Variants in PCCA observed in about 807,000 individuals in gnomAD.
PCCA encodes propionyl-CoA carboxylase subunit alpha, also known as propionyl-CoA carboxylase alpha chain, mitochondrial.
In PCCA, 74 loss-of-function variants were observed where a neutral mutation model predicts 101.3. The ratio of observed to expected loss-of-function variants is 0.73; its 90% CI spans 0.61 to 0.89. PCCA has a LOEUF of 0.89. PCCA is among the 40% of genes least tolerant of loss of function. The pLI, the probability that PCCA is intolerant of heterozygous loss-of-function variation, is 0.00. For synonymous variants in PCCA, 294 were observed against 313.6 expected, an observed-to-expected ratio of 0.94 and a Z score of 0.66; for missense variants, 891 against 907.0, an observed-to-expected ratio of 0.98 and a Z score of 0.23.
At chr13:100,253,854 AT>A (rs71114677) in intron 8 of PCCA, among the ~76,000 whole-genome samples, 32,790 of 138,288 alleles carry the variant, frequency 0.24, 3,836 homozygotes, top group Non-Finnish European at 0.27. Context: ...CTAGAGCCTG[AT>A]TTTTTTTTTT....
At chr13:100,428,901 G>C (rs1197440409) in intron 20 of PCCA, among the ~76,000 whole-genome samples, 1 of 152,136 alleles carries the variant, frequency 6.6e-6, no homozygotes, top group Non-Finnish European at 1.5e-5. Context: ...TTTATCCCTA[G>C]GTCAGTAGGG....
intron 4 of PCCA, chr13:100,154,738 A>T: frequency 2.1e-6 from 1 of 483,108 alleles, no homozygotes. Context: ...ATAAAGAGAT[A>T]GGGGATATTA....
chr13:100,158,804 T>C (rs887924255), intron 6 of PCCA, among the ~76,000 whole-genome samples: 1 of 152,058 alleles, frequency 6.6e-6, no homozygotes, highest in Non-Finnish European at 1.5e-5. Flanking sequence ...ATGCATTGTC[T>C]ATGCTGCTTT....
chr13:100,138,481 A>G (rs1001127938), intron 4 of PCCA, among the ~76,000 whole-genome samples: 1 of 152,204 alleles, frequency 6.6e-6, no homozygotes, highest in African/African-American at 2.4e-5. Context: ...TTCAACAGTT[A>G]AACGTATTTC....
At chr13:100,271,756 G>A (rs974268597) in intron 11 of PCCA, among the ~76,000 whole-genome samples, 1 of 152,048 alleles carries the variant, frequency 6.6e-6, no homozygotes. Context: ...GTTACAAAAG[G>A]GTACTTTATC....
intron 21 of PCCA, among the ~76,000 whole-genome samples, chr13:100,461,947 C>T (rs184126289): frequency 3.9e-5 from 6 of 152,308 alleles, no homozygotes; most frequent in East Asian, 1.9e-4. Context: ...CCTCCCTGCT[C>T]GGTCACACTC....
intron 6 of PCCA, among the ~76,000 whole-genome samples, chr13:100,181,576 C>T (rs1243209465): frequency 6.6e-6 from 1 of 151,894 alleles, no homozygotes; most frequent in Non-Finnish European, 1.5e-5. Flanking sequence ...GCGTGCACCA[C>T]CATGCCTGGC....
intron 19 of PCCA, among the ~76,000 whole-genome samples, chr13:100,384,048 A>G (rs980094023): frequency 6.8e-6 from 1 of 146,550 alleles, no homozygotes; most frequent in Non-Finnish European, 1.5e-5. Flanking sequence ...TTTTTTTGAG[A>G]CAGAGCTCAC....
At chr13:100,490,529 AGCAAG>A (rs1411507759) in intron 21 of PCCA, 1 of 152,228 alleles carries the variant, frequency 6.6e-6, no homozygotes, top group African/African-American at 2.4e-5. Context: ...GATGACTATG[AGCAAG>A]GCACTTTTCT....
intron 17 of PCCA, among the ~76,000 whole-genome samples, chr13:100,336,791 G>A (rs2070530211): frequency 6.6e-6 from 1 of 152,184 alleles, no homozygotes; most frequent in South Asian, 2.1e-4. Flanking sequence ...CGTTGACTTC[G>A]CAGTAGAGGC....
intron 8 of PCCA, among the ~76,000 whole-genome samples, chr13:100,248,808 G>A (rs554831740): frequency 4.5e-4 from 68 of 152,038 alleles, no homozygotes; most frequent in South Asian, 3.5e-3. Flanking sequence ...GTGCAGTGGC[G>A]CGAGCTTGGC....
chr13:100,217,786 C>T (rs147994079), intron 7 of PCCA, among the ~76,000 whole-genome samples: 3 of 130,840 alleles, frequency 2.3e-5, no homozygotes, highest in Non-Finnish European at 4.8e-5. Flanking sequence ...ACCCTGGGGG[C>T]GGAGGTTTTT....
chr13:100,375,894 C>T (rs2075870547), intron 19 of PCCA, among the ~76,000 whole-genome samples: 1 of 152,170 alleles, frequency 6.6e-6, no homozygotes, highest in South Asian at 2.1e-4. Context: ...ATTCAGGAGA[C>T]CCATCTCACA....
At chr13:100,512,697 A>G (rs1208921802) in intron 21 of PCCA, among the ~76,000 whole-genome samples, 1 of 152,114 alleles carries the variant, frequency 6.6e-6, no homozygotes, top group South Asian at 2.1e-4. Flanking sequence ...CTGGGATCCT[A>G]CTACTCTGTC....
intron 22 of PCCA, among the ~76,000 whole-genome samples, chr13:100,523,170 T>C (rs978974307): frequency 1.3e-5 from 2 of 152,210 alleles, no homozygotes; most frequent in African/African-American, 2.4e-5. Context: ...AGGTTCTCTG[T>C]CTTTTAATCT....
intron 4 of PCCA, among the ~76,000 whole-genome samples, chr13:100,120,177 CTTTTTTT>C (rs11289175): frequency 2.3e-5 from 3 of 131,058 alleles, no homozygotes; most frequent in South Asian, 2.5e-4. Context: ...TTTCAGATTA[CTTTTTTT>C]TTTTTTTTTT....
chr13:100,186,990 T>C (rs188191047), intron 6 of PCCA, among the ~76,000 whole-genome samples: 2 of 152,330 alleles, frequency 1.3e-5, no homozygotes, highest in African/African-American at 4.8e-5. Context: ...ATATGTAACA[T>C]GTAGTAGCTT....
At chr13:100,232,761 C>T (rs2060570473) in intron 7 of PCCA, among the ~76,000 whole-genome samples, 1 of 152,086 alleles carries the variant, frequency 6.6e-6, no homozygotes, top group African/African-American at 2.4e-5. Context: ...AACAAGTTCT[C>T]CCTAGTATTC....
intron 21 of PCCA, among the ~76,000 whole-genome samples, chr13:100,457,496 T>C (rs1332144081): frequency 6.6e-6 from 1 of 152,184 alleles, no homozygotes; most frequent in Non-Finnish European, 1.5e-5. Context: ...CAGGATACCA[T>C]TGTCTTTGTA....
Sources: gnomAD v4.1 joint callset for allele counts (sites outside exome capture counted in the v4.1 genomes callset) on GRCh38, gnomAD v4.1.1 for gene constraint, MANE v1.5 for transcripts, NCBI Gene and HGNC (gene_info 2026-07-23, HGNC 2026-07-21) for gene names.